Variants in WDR81 observed in about 807,000 individuals in gnomAD.
WDR81 encodes WD repeat-containing protein 81.
WDR81 carries 92 observed loss-of-function variants against 140.8 expected under a neutral mutation model. The ratio of observed to expected loss-of-function variants is 0.65; its 90% CI spans 0.55 to 0.78. WDR81 has a LOEUF of 0.78. Among genes scored for constraint, WDR81 ranks in the 30% least tolerant of loss-of-function variants. The pLI, the probability that WDR81 is intolerant of heterozygous loss-of-function variation, is 0.00. For synonymous variants in WDR81, 1,183 were observed against 1,156.4 expected (o/e 1.02, Z -0.47); for missense variants, 2,502 against 2,636.4 (o/e 0.95, Z 1.12).
chr17:1,733,443 T>C lies in WDR81; in HGVS notation c.4490-84T>C, dbSNP rs142343410. On this transcript the variant is annotated intron_variant, in intron 6 of 9. Transcript: ENST00000409644. Reference sequence around the variant, plus strand: ...TTGCAGAGCCAGTTCCTGCCCCATCTTCTGTGGCTCCCGAGTCCTTGGATG... The same window carrying C: ...TTGCAGAGCCAGTTCCTGCCCCATCCTCTGTGGCTCCCGAGTCCTTGGATG... 6.7e-5 allele frequency: 93 copies of C among 1,392,390 alleles called. No individual in the cohort carries two copies. In the East Asian group the frequency reaches 1.7e-3, roughly 26 times the overall value. The allele number at this position is 1,392,390 out of a possible 1,614,324, so 86.3% of individuals were successfully genotyped here. A position where few individuals can be genotyped will look rare whatever the true frequency, so the allele number is the denominator to read the frequency against.
intron 1 of WDR81, among the ~76,000 whole-genome samples, chr17:1,719,573 T>TA (rs1397692496): frequency 4.2e-5 from 6 of 141,610 alleles, no homozygotes; most frequent in Admixed American, 3.5e-4. Context: ...AAAAAAAAAT[T>TA]AAAAATGTGG....
At position 1,731,150 on chromosome 17, in the gene WDR81, A is replaced by G. The variant is rs2151169872; in HGVS notation, c.4049A>G (p.Gln1350Arg). 6.2e-7 allele frequency: 1 copy of G among 1,613,440 alleles called. No homozygotes were observed. The highest frequency in any genetic ancestry group is 2.2e-5 in the East Asian group (1 of 44,878). ...AGLLAAVTLT[Q>R]KIIVYLSDTT... ...CTGCTGGCCGCGGTGACGCTGACTC[A>G]GAAGATCATCGTGTACCTCTCAGAC... Residue 1350 changes from glutamine to arginine, a missense_variant, in exon 4 of 10, where the codon CAG (glutamine) becomes CGG (arginine). This residue lies in a region of WDR81 where 1,737 missense variants were observed against 1,843.0 expected (regional missense o/e 0.94). Coordinates refer to ENST00000409644, the MANE Select transcript of WDR81 (RefSeq NM_001163809.2).
chr17:1,735,676 T>C lies in WDR81; in HGVS notation c.5284T>C (p.Ser1762Pro). 1 of 1,612,938 alleles carries C rather than the reference T, an allele frequency of 6.2e-7. No individual in the cohort carries two copies. The highest frequency in any genetic ancestry group is 8.5e-7 in the Non-Finnish European group (1 of 1,179,908). The stretch of plus-strand genomic sequence containing the variant: ...CAGCATCACCATGGCCAGCTCTGAC[T>C]CTACCCTGCGCTTTGTGGACTGCAG... Reference protein sequence around the residue: ...HTSITMASSDSTLRFVDCRKP... With the variant: ...HTSITMASSDPTLRFVDCRKP... The change falls in exon 8 of 10, where the codon TCT (serine) becomes CCT (proline). Residue 1762 changes from serine to proline, a missense_variant. This residue lies in a region of WDR81 where 1,737 missense variants were observed against 1,843.0 expected (regional missense o/e 0.94). Transcript: ENST00000409644. The surrounding 1 kb of genome is among the most constrained non-coding windows in gnomAD (Gnocchi z 4.2).
Position 1,727,561 on chromosome 17 carries a change from A to G in WDR81, c.2602A>G (p.Ser868Gly), listed in dbSNP as rs867119263. 1 of 1,550,420 alleles carries G rather than the reference A, an allele frequency of 6.4e-7. No individual in the cohort carries two copies. Among genetic ancestry groups the G allele is most frequent in the Middle Eastern group, 1.7e-4 (1 of 5,992 alleles). Reference sequence around the variant, plus strand: ...CCCAAGCCAGCTTCTCAGCCCCTTCAGCTCCGTGGTTCCCTTCCCACCCTA... The same window carrying G: ...CCCAAGCCAGCTTCTCAGCCCCTTCGGCTCCGTGGTTCCCTTCCCACCCTA... ...PCPSQLLSPF[S>G]SVVPFPPYFP... The change falls in exon 1 of 10, where the codon AGC becomes GGC. Residue 868 changes from serine (S) to glycine (G), a missense_variant. Coordinates refer to ENST00000409644, the MANE Select transcript of WDR81 (RefSeq NM_001163809.2).
exon 1 of WDR81, chr17:1,716,606 C>T: frequency 6.4e-7 from 1 of 1,551,682 alleles, no homozygotes; most frequent in Non-Finnish European, 8.7e-7. Flanking sequence ...CAGCCTGACA[C>T]CGTCGTTCCC....
rs747113214 is a variant in WDR81 at position 1,736,191 on chromosome 17, C to G, written c.5478C>G (p.Ala1826=). The G allele has an allele frequency of 1.9e-6, 3 of 1,598,770 alleles. No homozygotes were observed. In the African/African-American group the frequency reaches 4.0e-5, roughly 21 times the overall value. Residue 1826 remains alanine, a synonymous_variant, in exon 9 of 10, where the codon GCC becomes GCG. Coordinates refer to ENST00000409644, the MANE Select transcript of WDR81 (RefSeq NM_001163809.2). ...RTGLVLRGWP[A]HEGDILQIKA... ...GCCTGGTTCTGCGAGGCTGGCCAGCCCACGAGGGGGACATTCTGCAGATCA... is the reference window on the plus strand; with the variant it reads ...GCCTGGTTCTGCGAGGCTGGCCAGCGCACGAGGGGGACATTCTGCAGATCA...
In WDR81 at chr17:1,733,689, AGGATGACGGCCACTCAG is replaced by A; in HGVS notation, c.4656_4672del (p.Asp1553LeufsTer15). On this transcript the variant is annotated frameshift_variant, in exon 7 of 10. Coordinates refer to ENST00000409644, the MANE Select transcript of WDR81 (RefSeq NM_001163809.2). LOFTEE classifies it high-confidence loss of function. ...GACCCCCATGGTGGGGGCTGCCCTC[AGGATGACGGCCACTCAG>A]GGACCTTTGGGAGCGTCCTGGTGGG... 6.2e-7 allele frequency: 1 copy of A among 1,612,184 alleles called. No homozygotes were observed. Among genetic ancestry groups the A allele is most frequent in the Non-Finnish European group, 8.5e-7 (1 of 1,179,640 alleles).
chr17:1,736,257 C>A, intron 9 of WDR81, 39 bp downstream of exon 9: 1 of 1,573,446 alleles, frequency 6.4e-7, no homozygotes, highest in Middle Eastern at 2.0e-4. Flanking sequence ...TGCCCAACCC[C>A]CGCCCCTGTC....
upstream of WDR81, among the ~76,000 whole-genome samples, chr17:1,721,137 G>A (rs1189891003): frequency 6.6e-6 from 1 of 152,200 alleles, no homozygotes; most frequent in African/African-American, 2.4e-5. Flanking sequence ...CTGATTTCAG[G>A]TATTTATATC....
rs1224436025 is a variant in WDR81, at chr17:1,727,386, C to G, written c.2427C>G (p.Arg809=). The G allele has an allele frequency of 6.5e-7, 1 of 1,550,262 alleles. No individual in the cohort carries two copies. The highest frequency in any genetic ancestry group is 1.2e-5 in the South Asian group (1 of 84,068). ...RFQAVRGLCT[R]HPKEVPVSLQ... ...AGGCTGTCCGAGGGCTCTGCACGCGCCACCCCAAGGAGGTCCCTGTGTCTT... is the reference window on the plus strand; with the variant it reads ...AGGCTGTCCGAGGGCTCTGCACGCGGCACCCCAAGGAGGTCCCTGTGTCTT... Residue 809 remains arginine, a synonymous_variant, in exon 1 of 10, where the codon CGC becomes CGG. Transcript: ENST00000409644.
upstream of WDR81, among the ~76,000 whole-genome samples, chr17:1,721,267 G>C (rs904197039): frequency 6.6e-6 from 1 of 152,124 alleles, no homozygotes; most frequent in African/African-American, 2.4e-5. Flanking sequence ...GCTGAGGCAG[G>C]AGAATCACTT....
Position 1,732,446 on chromosome 17 carries a change from A to G in WDR81, c.4279A>G (p.Thr1427Ala). ...GCAGCACCTGAGCGAGCCCGTGGCCACCTTTTTCCAGGTCTTCTCTCAGCT... is the reference window on the plus strand; with the variant it reads ...GCAGCACCTGAGCGAGCCCGTGGCCGCCTTTTTCCAGGTCTTCTCTCAGCT... The part of the protein sequence containing the change: ...VQQHLSEPVA[T>A]FFQVFSQLHE... Residue 1427 changes from threonine (T) to alanine (A), a missense_variant, in exon 5 of 10, where the codon ACC (threonine) becomes GCC (alanine). Thr to Ala is a moderately conservative substitution (Grantham distance 58). Coordinates refer to ENST00000409644, the MANE Select transcript of WDR81 (RefSeq NM_001163809.2). The G allele has an allele frequency of 6.2e-7, 1 of 1,613,002 alleles. No individual in the cohort carries two copies.
chr17:1,716,696 GC>G, intron 1 of WDR81: 3 of 1,526,086 alleles, frequency 2.0e-6, no homozygotes, highest in Non-Finnish European at 1.8e-6. Flanking sequence ...AAGGGCGACA[GC>G]CCCTCCTTGT....
chr17:1,718,941 T>C (rs1234340506), intron 1 of WDR81, among the ~76,000 whole-genome samples: 6 of 152,160 alleles, frequency 3.9e-5, no homozygotes, highest in South Asian at 2.1e-4. Context: ...TAATTTCTTG[T>C]GGGAGGGCTA....
Position 1,737,573 on chromosome 17 carries a change from C to T in WDR81, c.5714C>T (p.Thr1905Met), listed in dbSNP as rs559913944. Residue 1905 changes from threonine (T) to methionine (M), a missense_variant, in exon 10 of 10, where the codon ACG becomes ATG. Transcript: ENST00000409644. ...CTTGAGCCACCCTCGCAGGCCACCACGAAGCTCAGCTCTGAGAACTTCCGC... is the reference window on the plus strand; with the variant it reads ...CTTGAGCCACCCTCGCAGGCCACCATGAAGCTCAGCTCTGAGAACTTCCGC... ...SLLEPPSQAT[T>M]KLSSENFRGT... 4.4e-5 allele frequency: 71 copies of T among 1,612,902 alleles called. No individual in the cohort carries two copies. Among genetic ancestry groups the T allele is most frequent in the Admixed American group, 1.0e-4 (6 of 60,020 alleles).
chr17:1,724,668 T>A (rs866892609), upstream of WDR81: 1 of 1,046,986 alleles, frequency 9.6e-7, no homozygotes, highest in Non-Finnish European at 1.1e-6. Context: ...CCACGTGCGC[T>A]TGTTTCCGTG....
At position 1,726,052 on chromosome 17, in the gene WDR81, C is replaced by G. The variant is rs1237460367; in HGVS notation, c.1093C>G (p.Gln365Glu). ...CATCAGCAACTTCCACTACCTCATGCAGCTGAATCGGTTGGCAGGTCGGCG... is the reference window on the plus strand; with the variant it reads ...CATCAGCAACTTCCACTACCTCATGGAGCTGAATCGGTTGGCAGGTCGGCG... ...GRISNFHYLMQLNRLAGRRQG... is the reference protein window; with the variant it reads ...GRISNFHYLMELNRLAGRRQG... Residue 365 changes from glutamine to glutamate, a missense_variant, in exon 1 of 10, where the codon CAG (glutamine) becomes GAG (glutamate). Gln to Glu is a conservative substitution (Grantham distance 29, BLOSUM62 2). This residue lies in a region of WDR81 where 547 missense variants were observed against 513.8 expected (regional missense o/e 1.06). Transcript: ENST00000409644. The G allele has an allele frequency of 1.3e-6, 2 of 1,547,210 alleles. No individual in the cohort carries two copies.
At position 1,725,965 on chromosome 17, in the gene WDR81, C is replaced by A; in HGVS notation, c.1006C>A (p.Pro336Thr). The A allele has an allele frequency of 1.2e-5, 18 of 1,550,480 alleles. No individual in the cohort carries two copies. Among genetic ancestry groups the A allele is most frequent in the Non-Finnish European group, 1.6e-5 (18 of 1,146,824 alleles). ...IVSQEEQGGQ[P>T]GQPTGQEELR... is the part of the protein sequence containing the mutation. ...GTCTCAAGAGGAGCAGGGAGGGCAA[C>A]CTGGGCAACCCACTGGCCAGGAGGA... Residue 336 changes from proline to threonine, a missense_variant, in exon 1 of 10, where the codon CCT becomes ACT. By Grantham distance (38) the Pro-to-Thr change is conservative. Coordinates refer to ENST00000409644, the MANE Select transcript of WDR81 (RefSeq NM_001163809.2).
At chr17:1,730,702 G>A in intron 2 of WDR81, 53 bp from the exon 3 acceptor site, 1 of 1,549,772 alleles carries the variant, frequency 6.5e-7, no homozygotes, top group Admixed American at 1.8e-5. Context: ...GCAGGGCCAG[G>A]CTACCCCCGG....
Sources: allele counts gnomAD v4.1 joint callset (sites outside exome capture counted in the v4.1 genomes callset), GRCh38; gene constraint gnomAD v4.1.1; regional missense constraint gnomAD v4.1.1; non-coding constraint Gnocchi (gnomAD v3.1); transcripts MANE v1.5; gene names NCBI Gene and HGNC (gene_info 2026-07-23, HGNC 2026-07-21).